The following ASB9 variants were observed in gnomAD, a reference collection of about 807,000 sequenced individuals.
The protein encoded by ASB9 is ankyrin repeat and SOCS box protein 9.
Under a neutral mutation model 16.6 loss-of-function variants are expected in ASB9, and 5 were observed. That is an observed-to-expected ratio of 0.30 (90% CI 0.16 to 0.63). ASB9 has a LOEUF of 0.63. Ranked by LOEUF, ASB9 falls within the 30% of genes least tolerant of loss-of-function variation. The pLI, the probability that ASB9 is intolerant of heterozygous loss-of-function variation, is 0.82. For synonymous variants in ASB9, 100 were observed against 86.4 expected (o/e 1.16, Z -0.87); for missense variants, 216 against 229.4 (o/e 0.94, Z 0.38).
intron 1 of ASB9, among the ~76,000 whole-genome samples, chrX:15,260,637 G>A (rs954693557): frequency 9.0e-6 from 1 of 111,451 alleles, no homozygotes; most frequent in Admixed American, 9.5e-5. Flanking sequence ...CACCTGCTTC[G>A]CCAAACACAC....
chrX:15,262,195 G>A (rs1926025359), intron 1 of ASB9, among the ~76,000 whole-genome samples: 1 of 107,643 alleles, frequency 9.3e-6, no homozygotes, highest in Non-Finnish European at 1.9e-5. Context: ...TCATTCATCA[G>A]CTGATAAAAA....
intron 2 of ASB9, among the ~76,000 whole-genome samples, chrX:15,256,311 CTTTTTTTTTTT>C (rs756206331): frequency 8.7e-5 from 5 of 57,358 alleles, no homozygotes; most frequent in Admixed American, 4.3e-4. Context: ...GCCTAAGATT[CTTTTTTTTTTT>C]TTTTTTTTTT....
intron 2 of ASB9, among the ~76,000 whole-genome samples, chrX:15,257,462 T>C (rs1925668385): frequency 9.0e-6 from 1 of 111,229 alleles, no homozygotes; most frequent in African/African-American, 3.3e-5. Context: ...ATTTAGGTGT[T>C]TATACATAAA....
rs1925179265 is a variant in ASB9, at chrX:15,252,278, G to A, written c.409C>T (p.Pro137Ser). The A allele has an allele frequency of 8.3e-7, 1 of 1,207,649 alleles. No individual in the cohort carries two copies. The highest frequency in any genetic ancestry group is 1.1e-6 in the Non-Finnish European group (1 of 894,117). ...CCTCTCCTAGCAGCTTCATGGATGG[G>A]GGATGCCAGATCACTCTCAGGTTGA... ...SVQPESDLAS[P>S]IHEAARRGHV... The change falls in exon 4 of 7, where the codon CCC (proline) becomes TCC (serine). Residue 137 changes from proline to serine, a missense_variant. Physicochemically the swap from Pro to Ser is moderately conservative, Grantham distance 74 (BLOSUM62 -1). Transcript: ENST00000380488.
rs754405335 is a variant in ASB9 at position 15,245,421 on chromosome X, G to A, written c.761-791C>T. ...CCAACTGATTCAAAATGTCAATAGCGTCAAGGTTGAGAAACTCTGTTATAG... is the reference window on the plus strand; with the variant it reads ...CCAACTGATTCAAAATGTCAATAGCATCAAGGTTGAGAAACTCTGTTATAG... On this transcript the variant is annotated intron_variant, in intron 6 of 6. Coordinates refer to ENST00000380488, the MANE Select transcript of ASB9 (RefSeq NM_001031739.3). Among the ~76,000 whole-genome samples the A allele has an allele frequency of 1.9e-3, 90 of 47,792 alleles. 2 individuals are homozygous for A. Among genetic ancestry groups the A allele is most frequent in the African/African-American group, 6.9e-4 (7 of 10,079 alleles). The allele number at this position is 47,792 out of a possible 115,157, so 41.5% of individuals were successfully genotyped here.
Position 15,266,752 on chromosome X carries a change from T to C in ASB9, c.94+3029A>G, listed in dbSNP as rs765678162. 6.4e-3 allele frequency among the ~76,000 whole-genome samples: 700 copies of C among 109,375 alleles called. 8 individuals carry two copies. The highest frequency in any genetic ancestry group is 0.022 in the African/African-American group (644 of 29,677). 95.0% of individuals were successfully genotyped at this position (109,375 alleles called of 115,157 possible). On this transcript the variant is annotated intron_variant, in intron 1 of 6. Coordinates refer to ENST00000380488, the MANE Select transcript of ASB9 (RefSeq NM_001031739.3). ...GAGATTGAGACCATCCTGGCTAACA[T>C]GGTGAAACCCCGTCTCTACTAAAAA... is the stretch of plus-strand genomic sequence containing the variant.
chrX:15,257,287 T>G (rs1161614583), intron 2 of ASB9, among the ~76,000 whole-genome samples: 1 of 110,633 alleles, frequency 9.0e-6, no homozygotes, highest in Non-Finnish European at 1.9e-5. Flanking sequence ...CACATGCCTG[T>G]AGTCCCAGCT....
chrX:15,250,784 C>G (rs994071932), intron 4 of ASB9, among the ~76,000 whole-genome samples: 1 of 111,996 alleles, frequency 8.9e-6, no homozygotes, highest in African/African-American at 3.3e-5. Flanking sequence ...TGCAGTGGCG[C>G]AATCTCGGCT....
At chrX:15,256,875 C>T (rs1231637374) in intron 2 of ASB9, among the ~76,000 whole-genome samples, 1 of 108,928 alleles carries the variant, frequency 9.2e-6, no homozygotes, top group Non-Finnish European at 1.9e-5. Context: ...ATACCTAAGA[C>T]TTAAATGTCC....
intron 1 of ASB9, among the ~76,000 whole-genome samples, chrX:15,266,928 TCC>T (rs1926463039): frequency 1.2e-5 from 1 of 84,387 alleles, no homozygotes; most frequent in African/African-American, 4.4e-5. Context: ...AGAGCGAGAC[TCC>T]ATCTCAAAAA....
intron 1 of ASB9, among the ~76,000 whole-genome samples, chrX:15,261,781 GC>G (rs1220105865): frequency 2.7e-5 from 3 of 112,373 alleles, no homozygotes; most frequent in African/African-American, 9.7e-5. Flanking sequence ...CTAGCAAGCA[GC>G]TGTATTGAGA....
Position 15,244,364 on chromosome X carries a change from C to T in ASB9, c.*142G>A. ...TTGAATAGAAAAAATTAGTCAAACTCCATAAACAAGTTTATAACAAATACA... is the reference window on the plus strand; with the variant it reads ...TTGAATAGAAAAAATTAGTCAAACTTCATAAACAAGTTTATAACAAATACA... On this transcript the variant is annotated 3_prime_UTR_variant, in exon 7 of 7. Transcript: ENST00000380488. The T allele has an allele frequency of 1.3e-6, 1 of 752,059 alleles. No individual in the cohort carries two copies. The highest frequency in any genetic ancestry group is 1.9e-6 in the Non-Finnish European group (1 of 527,407). 62.0% of individuals were successfully genotyped at this position (752,059 alleles called of 1,213,427 possible). A position where few individuals can be genotyped will look rare whatever the true frequency, so the allele number is the denominator to read the frequency against.
At position 15,268,058 on chromosome X, in the gene ASB9, G is replaced by A. The variant is rs146989076; in HGVS notation, c.94+1723C>T. Among the ~76,000 whole-genome samples, 965 of 111,526 alleles carry A rather than the reference G, an allele frequency of 8.7e-3. 15 individuals carry two copies. The highest frequency in any genetic ancestry group is 0.029 in the African/African-American group (894 of 30,662). On this transcript the variant is annotated intron_variant, in intron 1 of 6. Transcript: ENST00000380488. ...AATAAACCCTGACTGACGGCCGGGCGTGGTGGCTCACACCTGTAATCCCAG... is the reference window on the plus strand; with the variant it reads ...AATAAACCCTGACTGACGGCCGGGCATGGTGGCTCACACCTGTAATCCCAG...
chrX:15,262,125 CTTTT>C (rs57262759), intron 1 of ASB9, among the ~76,000 whole-genome samples: 20 of 93,373 alleles, frequency 2.1e-4, no homozygotes, highest in Admixed American at 3.6e-4. Context: ...TACTTCATTC[CTTTT>C]TTTTTTTTTT....
chrX:15,246,283 A>G (rs183564803), intron 6 of ASB9, among the ~76,000 whole-genome samples: 154 of 112,192 alleles, frequency 1.4e-3, no homozygotes, highest in Non-Finnish European at 2.6e-3. Context: ...AAGACAATGT[A>G]AAACAACTGT....
chrX:15,259,204 T>G (rs1406856950), intron 1 of ASB9: 2 of 276,878 alleles, frequency 7.2e-6, no homozygotes, highest in African/African-American at 5.4e-5. Context: ...TGGATTGGGA[T>G]GACAGATTAC....
At chrX:15,265,596 C>T (rs1602162423) in intron 1 of ASB9, among the ~76,000 whole-genome samples, 2 of 109,650 alleles carry the variant, frequency 1.8e-5, no homozygotes, top group Admixed American at 9.8e-5. Context: ...GATTCCTAGG[C>T]CCCCACCCCA....
intron 1 of ASB9, among the ~76,000 whole-genome samples, chrX:15,264,467 G>C: frequency 9.0e-6 from 1 of 111,650 alleles, no homozygotes; most frequent in Admixed American, 9.6e-5. Context: ...CCTTGGACAG[G>C]AGAGTCTAAC....
chrX:15,267,429 T>TAC (rs1569162101), intron 1 of ASB9, among the ~76,000 whole-genome samples: 4 of 73,823 alleles, frequency 5.4e-5, no homozygotes, highest in Non-Finnish European at 2.4e-5. Context: ...TATATATATA[T>TAC]ATATAATTAT....
Sources: gnomAD v4.1 joint callset for allele counts (sites outside exome capture counted in the v4.1 genomes callset) on GRCh38, gnomAD v4.1.1 for gene constraint, MANE v1.5 for transcripts, NCBI Gene and HGNC (gene_info 2026-07-23, HGNC 2026-07-21) for gene names.